The following PTBP3 variants were observed in gnomAD, a reference collection of about 807,000 sequenced individuals.
PTBP3 encodes the protein polypyrimidine tract binding protein 3, also known as polypyrimidine tract-binding protein 3.
In PTBP3, 20 loss-of-function variants were observed where a neutral mutation model predicts 58.7. The ratio of observed to expected loss-of-function variants is 0.34; its 90% CI spans 0.24 to 0.50. The LOEUF (loss-of-function observed/expected upper bound fraction) is 0.50, where lower values mean the gene tolerates loss of function less well. Among genes scored for constraint, PTBP3 ranks in the 20% least tolerant of loss-of-function variants. The probability of loss-of-function intolerance (pLI) is 0.98; values close to 1 mark genes in which losing one functional copy is unlikely to be tolerated. For missense variants in PTBP3, 509 were observed against 637.2 expected, an observed-to-expected ratio of 0.80 and a Z score of 2.17; for synonymous variants, 185 against 219.8, an observed-to-expected ratio of 0.84 and a Z score of 1.40.
intron 1 of PTBP3, among the ~76,000 whole-genome samples, chr9:112,311,737 GGAGTCT>G (rs1349436836): frequency 1.3e-5 from 2 of 152,148 alleles, no homozygotes; most frequent in African/African-American, 4.8e-5. Context: ...CTTAAGGCCA[GGAGTCT>G]GAGACCAGCC....
chr9:112,358,544 C>G, the PTBP3 span, among the ~76,000 whole-genome samples: 1 of 152,150 alleles, frequency 6.6e-6, no homozygotes, highest in Non-Finnish European at 1.5e-5. Context: ...AGTCCCAGTT[C>G]TAGAAATGTA....
intron 7 of PTBP3, among the ~76,000 whole-genome samples, chr9:112,245,530 A>T (rs957822789): frequency 6.6e-6 from 1 of 152,222 alleles, no homozygotes; most frequent in Non-Finnish European, 1.5e-5. Flanking sequence ...ACAGAAACAT[A>T]TATTTATGAA....
At chr9:112,226,048 A>T (rs898729390) in intron 12 of PTBP3, among the ~76,000 whole-genome samples, 7 of 152,134 alleles carry the variant, frequency 4.6e-5, no homozygotes, top group African/African-American at 1.7e-4. Flanking sequence ...TGTCTCAAAA[A>T]AAAATATATT....
chr9:112,317,322 G>A lies in PTBP3; in HGVS notation c.-52+16148C>T, dbSNP rs143080305. Among the ~76,000 whole-genome samples, 4 of 151,596 alleles carry A rather than the reference G, an allele frequency of 2.6e-5. No homozygotes were observed. In the East Asian group the frequency reaches 5.8e-4, roughly 22 times the overall value. On this transcript the variant is annotated intron_variant, in intron 1 of 13. Transcript: ENST00000374257. Reference sequence around the variant, plus strand: ...CTGTAGTCCCAGCTACTTGGGAGCTGAGGTGGGAGGATCACTTGAGCCCAG... The same window carrying A: ...CTGTAGTCCCAGCTACTTGGGAGCTAAGGTGGGAGGATCACTTGAGCCCAG...
the PTBP3 span, among the ~76,000 whole-genome samples, chr9:112,378,939 C>T: frequency 1.3e-5 from 2 of 152,340 alleles, no homozygotes; most frequent in Admixed American, 6.5e-5. Context: ...GTAATCCCAG[C>T]ACTTTGGAAG....
intron 1 of PTBP3, among the ~76,000 whole-genome samples, chr9:112,304,074 C>T (rs894327447): frequency 2.0e-5 from 3 of 147,130 alleles, no homozygotes; most frequent in South Asian, 2.2e-4. Flanking sequence ...GGCTGAGGCA[C>T]GAGAATCACT....
In PTBP3 at chr9:112,252,322, G is replaced by A. The variant is rs556842308; in HGVS notation, c.627+356C>T. ...TGATCTCAGAAGTTAAGCAGGGTCG[G>A]GCCTGGTTAGTACTTGGATGGGAGA... On this transcript the variant is annotated intron_variant, in intron 6 of 13. Coordinates refer to ENST00000374257, the MANE Select transcript of PTBP3 (RefSeq NM_001163788.4). The A allele has an allele frequency of 3.3e-5, 9 of 270,052 alleles. No homozygotes were observed. In the South Asian group the frequency reaches 3.6e-4, roughly 11 times the overall value. The allele number at this position is 270,052 out of a possible 1,614,324, so 16.7% of individuals were successfully genotyped here. A position where few individuals can be genotyped will look rare whatever the true frequency, so the allele number is the denominator to read the frequency against.
intron 8 of PTBP3, among the ~76,000 whole-genome samples, chr9:112,232,625 T>A (rs117071427): frequency 6.6e-6 from 1 of 152,344 alleles, no homozygotes. Context: ...AAATCAGATA[T>A]GTATTTTTTT....
At position 112,238,113 on chromosome 9, in the gene PTBP3, C is replaced by CA. The variant is rs568977543; in HGVS notation, c.803-3217dup. Among the ~76,000 whole-genome samples the CA allele has an allele frequency of 1.6e-4, 24 of 151,808 alleles. No individual in the cohort carries two copies. In the South Asian group the frequency reaches 4.0e-3, roughly 25 times the overall value. On this transcript the variant is annotated intron_variant, in intron 7 of 13. Coordinates refer to ENST00000374257, the MANE Select transcript of PTBP3 (RefSeq NM_001163788.4). ...AATAACTCATCCCCACCCTCCCCCA[C>CA]AAAAAAACCCAAAAAGTCAGAAATA... is the stretch of plus-strand genomic sequence containing the variant.
intron 3 of PTBP3, among the ~76,000 whole-genome samples, chr9:112,273,974 T>C (rs1355907547): frequency 6.6e-6 from 1 of 152,238 alleles, no homozygotes; most frequent in Non-Finnish European, 1.5e-5. Flanking sequence ...AAAATTATGA[T>C]GTTGCCTGCT....
the PTBP3 span, among the ~76,000 whole-genome samples, chr9:112,353,773 T>C: frequency 4.0e-5 from 6 of 151,772 alleles, no homozygotes; most frequent in Admixed American, 3.3e-4. Context: ...CTGGCCAACA[T>C]GGTGAAACCC....
the PTBP3 span, among the ~76,000 whole-genome samples, chr9:112,354,149 C>T: frequency 5.3e-5 from 8 of 152,058 alleles, no homozygotes; most frequent in Admixed American, 2.0e-4. Context: ...ATCTGTTCAA[C>T]AAGGAGCCAG....
the PTBP3 span, among the ~76,000 whole-genome samples, chr9:112,362,524 A>G: frequency 6.6e-6 from 1 of 152,102 alleles, no homozygotes; most frequent in Non-Finnish European, 1.5e-5. Flanking sequence ...ATGAAGTTCA[A>G]TGTATCTTCT....
intron 7 of PTBP3, among the ~76,000 whole-genome samples, chr9:112,236,343 T>G (rs891720109): frequency 6.6e-6 from 1 of 152,044 alleles, no homozygotes; most frequent in Non-Finnish European, 1.5e-5. Context: ...TGAGAGCATA[T>G]CATGAGCTAA....
the PTBP3 span, among the ~76,000 whole-genome samples, chr9:112,373,195 C>T: frequency 6.6e-6 from 1 of 152,110 alleles, no homozygotes; most frequent in Non-Finnish European, 1.5e-5. Flanking sequence ...CAGGCCCAGC[C>T]TACATGAGTT....
chr9:112,374,111 C>G, the PTBP3 span, among the ~76,000 whole-genome samples: 1,596 of 152,188 alleles, frequency 0.01, 67 homozygotes, highest in East Asian at 0.082. Context: ...ACTGAGATGC[C>G]CTAATGGATC....
chr9:112,258,546 CT>C (rs1564411668), intron 5 of PTBP3, among the ~76,000 whole-genome samples: 1 of 152,172 alleles, frequency 6.6e-6, no homozygotes, highest in African/African-American at 2.4e-5. Context: ...TGCCCCAAAT[CT>C]TTTTTTGTCT....
Position 112,275,897 on chromosome 9 carries a change from C to G in PTBP3, c.151G>C (p.Gly51Arg). ...DVTEAEIISL[G>R]LPFGKVTNLL... ...TTAGTTACTTTGCCAAATGGTAGAC[C>G]TAATGATATGATCTCTGCTTCGGTG... is the stretch of plus-strand genomic sequence containing the variant. Residue 51 changes from glycine to arginine, a missense_variant, in exon 3 of 14, where the codon GGT (glycine) becomes CGT (arginine). Physicochemically the swap from Gly to Arg is moderately radical, Grantham distance 125 (BLOSUM62 -2). Coordinates refer to ENST00000374257, the MANE Select transcript of PTBP3 (RefSeq NM_001163788.4). 6.2e-7 allele frequency: 1 copy of G among 1,613,900 alleles called. No individual in the cohort carries two copies. The highest frequency in any genetic ancestry group is 1.1e-5 in the South Asian group (1 of 91,080).
In PTBP3 at chr9:112,251,108, A is replaced by G. The variant is rs1836097208; in HGVS notation, c.628-5T>C. The G allele has an allele frequency of 6.5e-7, 1 of 1,549,082 alleles. No individual in the cohort carries two copies. The highest frequency in any genetic ancestry group is 1.4e-5 in the African/African-American group (1 of 72,050). ...GATATTCTGGCCATCCAGAGCCTAA[A>G]GCATGTAAGAAAGGGACTGGTTTTG... On this transcript the variant is annotated splice_region_variant and splice_polypyrimidine_tract_variant and intron_variant, in intron 6 of 13. Transcript: ENST00000374257.
Sources: allele counts gnomAD v4.1 joint callset (sites outside exome capture counted in the v4.1 genomes callset), GRCh38; gene constraint gnomAD v4.1.1; transcripts MANE v1.5; gene names NCBI Gene and HGNC (gene_info 2026-07-23, HGNC 2026-07-21).